The following ALK variants were observed in gnomAD, a reference collection of about 807,000 sequenced individuals.
ALK encodes ALK receptor tyrosine kinase, also known as ALK tyrosine kinase receptor.
A neutral mutation model predicts 163.1 loss-of-function variants in ALK; 74 were observed. That is an observed-to-expected ratio of 0.45 (90% CI 0.38 to 0.55). The LOEUF (loss-of-function observed/expected upper bound fraction) is 0.55. Among genes scored for constraint, ALK ranks in the 20% least tolerant of loss-of-function variants. ALK has a pLI of 0.00. For missense variants in ALK, 2,063 were observed against 2,105.3 expected, an observed-to-expected ratio of 0.98 and a Z score of 0.39; for synonymous variants, 960 against 843.2, an observed-to-expected ratio of 1.14 and a Z score of -2.40.
chr2:29,500,614 G>T (rs1337854305), intron 4 of ALK, among the ~76,000 whole-genome samples: 1 of 151,520 alleles, frequency 6.6e-6, no homozygotes, highest in Non-Finnish European at 1.5e-5. Flanking sequence ...TCTAGTCCCT[G>T]ACTTCACCTC....
chr2:29,296,677 T>C (rs1410589915), intron 9 of ALK, among the ~76,000 whole-genome samples: 2 of 152,158 alleles, frequency 1.3e-5, no homozygotes, highest in Admixed American at 6.5e-5. Flanking sequence ...AGCCTCTTCA[T>C]CCCTTGGAGA....
At chr2:29,617,844 C>T (rs567804222) in intron 3 of ALK, among the ~76,000 whole-genome samples, 2 of 152,218 alleles carry the variant, frequency 1.3e-5, no homozygotes, top group East Asian at 1.9e-4. Flanking sequence ...GTGACTATTG[C>T]CATCATCTTT....
intron 1 of ALK, among the ~76,000 whole-genome samples, chr2:29,733,530 T>C (rs1330594578): frequency 1.3e-5 from 2 of 152,224 alleles, no homozygotes; most frequent in East Asian, 3.8e-4. Flanking sequence ...ACTTTCCTGT[T>C]CTGTGACATG....
intron 4 of ALK, among the ~76,000 whole-genome samples, chr2:29,475,972 T>C (rs115147433): frequency 2.6e-5 from 4 of 152,122 alleles, no homozygotes; most frequent in East Asian, 1.9e-4. Context: ...GGTCCTCCCG[T>C]GTGGGGCTGC....
chr2:29,835,044 G>A (rs1665520840), intron 1 of ALK, among the ~76,000 whole-genome samples: 1 of 152,232 alleles, frequency 6.6e-6, no homozygotes, highest in Non-Finnish European at 1.5e-5. Context: ...CAGTCATTCA[G>A]GCGGGGCTGG....
At chr2:29,430,327 T>C (rs568587110) in intron 4 of ALK, among the ~76,000 whole-genome samples, 2 of 152,230 alleles carry the variant, frequency 1.3e-5, no homozygotes, top group South Asian at 4.1e-4. Flanking sequence ...CTAGAATACA[T>C]AAAGAATTCT....
chr2:29,399,916 G>T (rs1669402166), intron 4 of ALK, among the ~76,000 whole-genome samples: 1 of 152,178 alleles, frequency 6.6e-6, no homozygotes, highest in Non-Finnish European at 1.5e-5. Flanking sequence ...GGAAATAAAA[G>T]CCCATTTTTT....
intron 23 of ALK, among the ~76,000 whole-genome samples, chr2:29,215,540 A>G (rs76509366): frequency 0.011 from 1,748 of 152,284 alleles, 16 homozygotes; most frequent in Non-Finnish European, 0.017. Flanking sequence ...CTGAGGACTC[A>G]GAGAGGCTAC....
chr2:29,676,462 G>C (rs1677875701), intron 3 of ALK, among the ~76,000 whole-genome samples: 1 of 151,992 alleles, frequency 6.6e-6, no homozygotes, highest in Non-Finnish European at 1.5e-5. Flanking sequence ...TCAAAAGTCA[G>C]TTGATTATAA....
intron 1 of ALK, among the ~76,000 whole-genome samples, chr2:29,813,834 T>C (rs1239916700): frequency 6.6e-6 from 1 of 152,220 alleles, no homozygotes; most frequent in Non-Finnish European, 1.5e-5. Flanking sequence ...AGCAGCTTCC[T>C]GGGAAAGATC....
intron 1 of ALK, among the ~76,000 whole-genome samples, chr2:29,853,902 T>TCTTTC (rs1292937309): frequency 1.4e-5 from 1 of 71,620 alleles, no homozygotes; most frequent in Admixed American, 1.4e-4. Flanking sequence ...AAGTTTTCTT[T>TCTTTC]CTTTTCTTTT....
intron 1 of ALK, among the ~76,000 whole-genome samples, chr2:29,896,345 C>T (rs59690960): frequency 0.04 from 6,091 of 152,146 alleles, 382 homozygotes; most frequent in African/African-American, 0.13. Context: ...TGTGCTGTTA[C>T]GGGCTGAGTC....
intron 4 of ALK, among the ~76,000 whole-genome samples, chr2:29,488,161 G>T (rs367715037): frequency 1.3e-5 from 2 of 152,048 alleles, no homozygotes; most frequent in African/African-American, 4.8e-5. Context: ...GACAAAGCAC[G>T]TGCTATTTAT....
chr2:29,394,327 AAAAG>A (rs945971338), intron 4 of ALK, among the ~76,000 whole-genome samples: 9 of 151,834 alleles, frequency 5.9e-5, no homozygotes, highest in East Asian at 1.9e-4. Flanking sequence ...AGAAAAAAAA[AAAAG>A]AAAGAAAGAA....
rs1025495852 is a variant in ALK at position 29,414,597 on chromosome 2, G to A, written c.1155-30738C>T. 7.9e-5 allele frequency among the ~76,000 whole-genome samples: 12 copies of A among 152,204 alleles called. No individual in the cohort carries two copies. In the East Asian group the frequency reaches 9.7e-4, roughly 12 times the overall value. On this transcript the variant is annotated intron_variant, in intron 4 of 28. Transcript: ENST00000389048. The stretch of plus-strand genomic sequence containing the variant: ...CTCCCAGCCCATTCCTTGCATTAGC[G>A]GCTTCAAGATGACATTGGGAATGTG...
chr2:29,523,676 T>G (rs552170450), intron 4 of ALK, among the ~76,000 whole-genome samples: 16 of 152,124 alleles, frequency 1.1e-4, no homozygotes, highest in Admixed American at 3.9e-4. Context: ...ATTATGGGAT[T>G]GGCCAAGATG....
At chr2:29,302,467 G>A (rs374156968) in intron 8 of ALK, among the ~76,000 whole-genome samples, 7 of 152,290 alleles carry the variant, frequency 4.6e-5, no homozygotes, top group African/African-American at 1.7e-4. Flanking sequence ...GCAGTGAGCC[G>A]AGATTGCATC....
chr2:29,361,270 C>T (rs1389997289), intron 5 of ALK, among the ~76,000 whole-genome samples: 1 of 152,214 alleles, frequency 6.6e-6, no homozygotes, highest in Non-Finnish European at 1.5e-5. Context: ...ATTTTAGTAT[C>T]CGGGAAAAAC....
At chr2:29,554,386 G>C (rs1673791569) in intron 3 of ALK, among the ~76,000 whole-genome samples, 1 of 152,158 alleles carries the variant, frequency 6.6e-6, no homozygotes, top group Non-Finnish European at 1.5e-5. Context: ...CAATAGCAAG[G>C]CTGGGAGAAG....
Sources: allele counts gnomAD v4.1 joint callset (sites outside exome capture counted in the v4.1 genomes callset), GRCh38; gene constraint gnomAD v4.1.1; transcripts MANE v1.5; gene names NCBI Gene and HGNC (gene_info 2026-07-23, HGNC 2026-07-21).